Variants in RBM24 observed in about 807,000 individuals in gnomAD.
The protein encoded by RBM24 is RNA binding motif protein 24.
Under a neutral mutation model 23.6 loss-of-function variants are expected in RBM24, and 5 were observed. The observed-to-expected ratio is 0.21, with a 90% confidence interval of 0.11 to 0.45. RBM24 has a LOEUF of 0.45. Ranked by LOEUF, RBM24 falls within the 20% of genes least tolerant of loss-of-function variation. The probability of loss-of-function intolerance (pLI) is 0.99; values close to 1 mark genes in which losing one functional copy is unlikely to be tolerated. For synonymous variants in RBM24, 151 were observed against 129.5 expected (o/e 1.17, Z -1.13); for missense variants, 252 against 314.6 (o/e 0.80, Z 1.51).
chr6:17,288,826 A>C (rs1320121623), intron 3 of RBM24: 1 of 985,440 alleles, frequency 1.0e-6, no homozygotes, highest in Non-Finnish European at 1.2e-6. Context: ...GGCAGTCTGG[A>C]TGTTTTGGCC....
In RBM24 at chr6:17,281,793, G is replaced by T. The variant is rs765157864; in HGVS notation, c.168+44G>T. On this transcript the variant is annotated intron_variant, in intron 1 of 3. Transcript: ENST00000379052. The surrounding 1 kb of genome is among the most constrained non-coding windows in gnomAD (Gnocchi z 7.1). Reference sequence around the variant, plus strand: ...GGGTGACGGGGAGGGACGGAGTGGCGGCTGACCCCGGGGATCGGGAGCTTG... The same window carrying T: ...GGGTGACGGGGAGGGACGGAGTGGCTGCTGACCCCGGGGATCGGGAGCTTG... 1.9e-6 allele frequency: 3 copies of T among 1,540,734 alleles called. No individual in the cohort carries two copies. Among genetic ancestry groups the T allele is most frequent in the South Asian group, 1.2e-5 (1 of 83,620 alleles).
chr6:17,292,364 C>T lies in RBM24; in HGVS notation c.*245C>T. ...CCAAAGAGCCTGAGTAAATGAAAGG[C>T]CACTACGAAATGACGCCAGGAGTAA... On this transcript the variant is annotated 3_prime_UTR_variant, in exon 4 of 4. Coordinates refer to ENST00000379052, the MANE Select transcript of RBM24 (RefSeq NM_001143942.2). 3.2e-6 allele frequency: 1 copy of T among 308,038 alleles called. No homozygotes were observed. The highest frequency in any genetic ancestry group is 5.9e-6 in the Non-Finnish European group (1 of 169,280). The allele number at this position is 308,038 out of a possible 1,614,324, so 19.1% of individuals were successfully genotyped here.
At chr6:17,288,170 T>A (rs1760252560) in intron 3 of RBM24, 1 of 856,108 alleles carries the variant, frequency 1.2e-6, no homozygotes, top group Non-Finnish European at 1.4e-6. Flanking sequence ...AGATTCAGAA[T>A]CATGGTCTGC....
intron 3 of RBM24, among the ~76,000 whole-genome samples, chr6:17,291,276 C>T (rs982653400): frequency 2.6e-5 from 4 of 152,174 alleles, no homozygotes; most frequent in East Asian, 3.9e-4. Flanking sequence ...ATGTTAATTT[C>T]GACAAACTGG....
At chr6:17,283,901 A>C (rs1162343896) in intron 2 of RBM24, among the ~76,000 whole-genome samples, 1 of 152,216 alleles carries the variant, frequency 6.6e-6, no homozygotes, top group Non-Finnish European at 1.5e-5. Context: ...ATGGGAAAAC[A>C]ATACCTCTTG....
In RBM24 at chr6:17,281,841, C is replaced by G. The variant is rs958690137; in HGVS notation, c.168+92C>G. On this transcript the variant is annotated intron_variant, in intron 1 of 3. Transcript: ENST00000379052. This position sits in a 1 kb window ranked among gnomAD's most constrained non-coding sequence, Gnocchi z 7.1. ...TTGGAGTGAGGGGCTCGGCGTGACC[C>G]GTGAGGAGCCCCGCGGGTAGAGCGG... 7 of 1,469,068 alleles carry G rather than the reference C, an allele frequency of 4.8e-6. No individual in the cohort carries two copies. The highest frequency in any genetic ancestry group is 6.5e-6 in the Non-Finnish European group (7 of 1,083,890). 91.0% of individuals were successfully genotyped at this position (1,469,068 alleles called of 1,614,324 possible).
rs941139367 is a variant in RBM24 at position 17,293,043 on chromosome 6, G to A, written c.*924G>A. ...GCAAAGTTTGCAGAACTGTCTTAAGGACATTTATTTTTTTTCCCTTTTTAA... is the reference window on the plus strand; with the variant it reads ...GCAAAGTTTGCAGAACTGTCTTAAGAACATTTATTTTTTTTCCCTTTTTAA... On this transcript the variant is annotated 3_prime_UTR_variant, in exon 4 of 4. Transcript: ENST00000379052. 1.3e-5 allele frequency: 2 copies of A among 152,138 alleles called. No individual in the cohort carries two copies. Among genetic ancestry groups the A allele is most frequent in the African/African-American group, 4.8e-5 (2 of 41,436 alleles). The allele number at this position is 152,138 out of a possible 1,614,324, so 9.4% of individuals were successfully genotyped here.
chr6:17,282,587 T>C (rs1450153508), intron 1 of RBM24: 2 of 604,672 alleles, frequency 3.3e-6, no homozygotes, highest in Non-Finnish European at 5.6e-6. Flanking sequence ...AGGGTTTCTT[T>C]CTTTTTTCCT....
chr6:17,282,804 G>A lies in RBM24; in HGVS notation c.169-1G>A. The A allele has an allele frequency of 6.2e-7, 1 of 1,614,060 alleles. No individual in the cohort carries two copies. Among genetic ancestry groups the A allele is most frequent in the Non-Finnish European group, 8.5e-7 (1 of 1,179,962 alleles). On this transcript the variant is annotated splice_acceptor_variant, in intron 1 of 3. Coordinates refer to ENST00000379052, the MANE Select transcript of RBM24 (RefSeq NM_001143942.2). LOFTEE classifies it high-confidence loss of function. ...TATGTCTGTGTGTGTCTGTTGCTAAGGTCACCATGGCTGACCGGGCTGCTG... is the reference window on the plus strand; with the variant it reads ...TATGTCTGTGTGTGTCTGTTGCTAAAGTCACCATGGCTGACCGGGCTGCTG...
intron 3 of RBM24, chr6:17,289,674 CAG>C (rs1416873475): frequency 2.0e-6 from 2 of 985,306 alleles, no homozygotes; most frequent in African/African-American, 1.7e-5. Context: ...GTTTCGGTGT[CAG>C]TGAGATCCGC....
chr6:17,290,291 G>T (rs1198642181), intron 3 of RBM24, among the ~76,000 whole-genome samples: 3 of 152,156 alleles, frequency 2.0e-5, no homozygotes, highest in Non-Finnish European at 4.4e-5. Flanking sequence ...AGTTGGCTTT[G>T]CCAGCAACCA....
Position 17,281,545 on chromosome 6 carries a change from C to A in RBM24, c.-37C>A. On this transcript the variant is annotated 5_prime_UTR_variant, in exon 1 of 4. Coordinates refer to ENST00000379052, the MANE Select transcript of RBM24 (RefSeq NM_001143942.2). The surrounding 1 kb of genome is among the most constrained non-coding windows in gnomAD (Gnocchi z 7.1). Reference sequence around the variant, plus strand: ...GGCGCAGCCGCTGCCCGAGCCGCAGCCGCAGCCGGAGCCCGAGCCGCGGGG... The same window carrying A: ...GGCGCAGCCGCTGCCCGAGCCGCAGACGCAGCCGGAGCCCGAGCCGCGGGG... 1 of 1,467,906 alleles carries A rather than the reference C, an allele frequency of 6.8e-7. No homozygotes were observed. Among genetic ancestry groups the A allele is most frequent in the Non-Finnish European group, 9.0e-7 (1 of 1,110,542 alleles). The allele number at this position is 1,467,906 out of a possible 1,614,324, so 90.9% of individuals were successfully genotyped here.
intron 3 of RBM24, chr6:17,290,825 A>T (rs1382432709): frequency 7.8e-7 from 1 of 1,287,358 alleles, no homozygotes; most frequent in Admixed American, 2.3e-5. Context: ...TTTCCCCAAA[A>T]CCCCTTCTGT....
intron 3 of RBM24, chr6:17,289,168 C>CT: frequency 1.0e-6 from 1 of 985,308 alleles, no homozygotes; most frequent in Non-Finnish European, 1.2e-6. Context: ...TGGTAAATGT[C>CT]TAATAGGAGG....
intron 3 of RBM24, among the ~76,000 whole-genome samples, chr6:17,290,280 A>G (rs545273029): frequency 8.5e-5 from 13 of 152,344 alleles, no homozygotes; most frequent in African/African-American, 3.1e-4. Context: ...TACTTCTTAC[A>G]AGTTGGCTTT....
At chr6:17,285,753 G>C (rs143495298) in intron 3 of RBM24, among the ~76,000 whole-genome samples, 1 of 152,190 alleles carries the variant, frequency 6.6e-6, no homozygotes, top group African/African-American at 2.4e-5. Flanking sequence ...TTTGGGTCCT[G>C]TGATTACCAG....
Position 17,281,554 on chromosome 6 carries a change from G to A in RBM24, c.-28G>A, listed in dbSNP as rs1222259080. 1 of 1,486,002 alleles carries A rather than the reference G, an allele frequency of 6.7e-7. No homozygotes were observed. Among genetic ancestry groups the A allele is most frequent in the Non-Finnish European group, 8.9e-7 (1 of 1,118,302 alleles). The allele number at this position is 1,486,002 out of a possible 1,614,324, so 92.1% of individuals were successfully genotyped here. A position where few individuals can be genotyped will look rare whatever the true frequency, so the allele number is the denominator to read the frequency against. On this transcript the variant is annotated 5_prime_UTR_variant, in exon 1 of 4. Transcript: ENST00000379052. The surrounding 1 kb of genome is among the most constrained non-coding windows in gnomAD (Gnocchi z 7.1). ...GCTGCCCGAGCCGCAGCCGCAGCCG[G>A]AGCCCGAGCCGCGGGGCGGGTGCGA...
Position 17,285,571 on chromosome 6 carries a change from G to A in RBM24, c.347+860G>A, listed in dbSNP as rs1335599955. The stretch of plus-strand genomic sequence containing the variant: ...TTCTGTTTTATGGGAAATTTTCTGG[G>A]AATGGGGTTCTTTCTTTTGCAATGT... On this transcript the variant is annotated intron_variant, in intron 3 of 3. Transcript: ENST00000379052. Among the ~76,000 whole-genome samples the A allele has an allele frequency of 3.9e-5, 6 of 152,172 alleles. No homozygotes were observed. The East Asian group carries it at 9.6e-4, about 24-fold the overall frequency.
intron 3 of RBM24, chr6:17,288,506 T>C: frequency 7.1e-6 from 7 of 985,178 alleles, no homozygotes; most frequent in Non-Finnish European, 8.4e-6. Flanking sequence ...TATTAGTCCA[T>C]TTCACATATG....
Sources: allele counts gnomAD v4.1 joint callset (sites outside exome capture counted in the v4.1 genomes callset), GRCh38; gene constraint gnomAD v4.1.1; non-coding constraint Gnocchi (gnomAD v3.1); transcripts MANE v1.5; gene names NCBI Gene and HGNC (gene_info 2026-07-23, HGNC 2026-07-21).